CLK3: variants seen among roughly 807,000 people sequenced by gnomAD.
CLK3 encodes the protein dual specificity protein kinase CLK3.
A neutral mutation model predicts 65.2 loss-of-function variants in CLK3; 24 were observed. The observed-to-expected ratio is 0.37, with a 90% CI of 0.27 to 0.52. The LOEUF is 0.52. CLK3 is among the 20% of genes least tolerant of loss of function. CLK3 has a pLI of 0.92. For synonymous variants in CLK3, 252 were observed against 240.8 expected (o/e 1.05, Z -0.43); for missense variants, 506 against 660.0 (o/e 0.77, Z 2.56).
chr15:74,628,094 A>AC (rs1474114083), intron 10 of CLK3, 42 bp downstream of exon 10: 4 of 1,382,080 alleles, frequency 2.9e-6, no homozygotes, highest in Non-Finnish European at 4.1e-6. Flanking sequence ...GAGTACTGCT[A>AC]CTGTGATAGG....
chr15:74,622,472 C>T lies in CLK3; in HGVS notation c.467-22C>T. 1 of 1,588,816 alleles carries T rather than the reference C, an allele frequency of 6.3e-7. No homozygotes were observed. The highest frequency in any genetic ancestry group is 8.6e-7 in the Non-Finnish European group (1 of 1,167,350). On this transcript the variant is annotated intron_variant, in intron 4 of 12. Coordinates refer to ENST00000395066, the MANE Select transcript of CLK3 (RefSeq NM_001130028.2). The surrounding 1 kb of genome is among the most constrained non-coding windows in gnomAD (Gnocchi z 4.6). ...ACCCCCTGCCCTCCAGATTCTCATG[C>T]CCAATTTCTTTTCTCTCCTAGATGA... is the stretch of plus-strand genomic sequence containing the variant.
upstream of CLK3, chr15:74,615,519 G>C: frequency 1.5e-6 from 2 of 1,296,176 alleles, no homozygotes; most frequent in Non-Finnish European, 2.0e-6. Flanking sequence ...CGACGGAGCG[G>C]GCCCAGCCCC....
chr15:74,616,547 C>T (rs2062061641), intron 1 of CLK3, among the ~76,000 whole-genome samples: 2 of 152,224 alleles, frequency 1.3e-5, no homozygotes, highest in Non-Finnish European at 2.9e-5. Context: ...AGCTTTAGTT[C>T]CGGGTGTGGG....
chr15:74,623,442 G>C (rs1412623157), intron 5 of CLK3, among the ~76,000 whole-genome samples: 1 of 152,254 alleles, frequency 6.6e-6, no homozygotes, highest in Non-Finnish European at 1.5e-5. Context: ...CTGCGCTGTA[G>C]TGCTCCTACA....
rs1277754804 is a variant in CLK3, at chr15:74,629,953, G to C, written c.*70G>C. 6.2e-6 allele frequency: 9 copies of C among 1,460,754 alleles called. No homozygotes were observed. Among genetic ancestry groups the C allele is most frequent in the Non-Finnish European group, 7.4e-6 (8 of 1,077,556 alleles). The allele number at this position is 1,460,754 out of a possible 1,614,324, so 90.5% of individuals were successfully genotyped here. On this transcript the variant is annotated 3_prime_UTR_variant, in exon 13 of 13. Coordinates refer to ENST00000395066, the MANE Select transcript of CLK3 (RefSeq NM_001130028.2). ...CGCCCAGCCCCTTGACTCCAGCCTCGACCGCCAGGCCCCAGGCCAGAGCCA... is the reference window on the plus strand; with the variant it reads ...CGCCCAGCCCCTTGACTCCAGCCTCCACCGCCAGGCCCCAGGCCAGAGCCA...
intron 5 of CLK3, among the ~76,000 whole-genome samples, chr15:74,623,220 A>G (rs752479667): frequency 6.6e-6 from 1 of 152,082 alleles, no homozygotes. Flanking sequence ...TTCCTCTCCT[A>G]TAGGTCTGGG....
Position 74,619,292 on chromosome 15 carries a change from G to A in CLK3, c.96G>A (p.Gly32=). The A allele has an allele frequency of 6.2e-7, 1 of 1,614,174 alleles. No individual in the cohort carries two copies. The highest frequency in any genetic ancestry group is 8.5e-7 in the Non-Finnish European group (1 of 1,180,016). The part of the protein sequence containing the change: ...RRRSYSREHE[G]RLRYPSRREP... Reference sequence around the variant, plus strand: ...GGTCCTACAGTCGGGAACATGAAGGGAGACTGCGATACCCGTCCCGAAGGG... The same window carrying A: ...GGTCCTACAGTCGGGAACATGAAGGAAGACTGCGATACCCGTCCCGAAGGG... The change falls in exon 2 of 13, where the codon GGG becomes GGA. Residue 32 remains glycine, a synonymous_variant. Transcript: ENST00000395066.
chr15:74,619,831 C>A, intron 2 of CLK3, 178 bp from the exon 3 acceptor site: 1 of 945,908 alleles, frequency 1.1e-6, no homozygotes, highest in Non-Finnish European at 1.5e-6. Context: ...TTGGACAGGG[C>A]TCTGGAGGGC....
At chr15:74,629,445 C>G (rs151024490) in intron 12 of CLK3, 3 of 561,568 alleles carry the variant, frequency 5.3e-6, no homozygotes, top group African/African-American at 1.9e-5. Flanking sequence ...TGATCTCTAC[C>G]CACCTGTCAG....
chr15:74,617,799 T>C (rs1030796808), intron 1 of CLK3, among the ~76,000 whole-genome samples: 2 of 152,266 alleles, frequency 1.3e-5, no homozygotes, highest in Non-Finnish European at 2.9e-5. Context: ...TGTGAGTTCC[T>C]GCTTTCATTC....
In CLK3 at chr15:74,627,782, C is replaced by A; in HGVS notation, c.1042+114C>A. The A allele has an allele frequency of 1.4e-6, 2 of 1,474,562 alleles. No homozygotes were observed. Among genetic ancestry groups the A allele is most frequent in the Non-Finnish European group, 1.9e-6 (2 of 1,066,188 alleles). The allele number at this position is 1,474,562 out of a possible 1,614,324, so 91.3% of individuals were successfully genotyped here. A position where few individuals can be genotyped will look rare whatever the true frequency, so the allele number is the denominator to read the frequency against. On this transcript the variant is annotated intron_variant, in intron 9 of 12. Coordinates refer to ENST00000395066, the MANE Select transcript of CLK3 (RefSeq NM_001130028.2). This position sits in a 1 kb window ranked among gnomAD's most constrained non-coding sequence, Gnocchi z 4.3. The stretch of plus-strand genomic sequence containing the variant: ...GCCACCCAGGGCAGGCAGAGTTTCT[C>A]AGACCAAGGGGCCAGTGTCATGAGA...
intron 3 of CLK3, chr15:74,620,473 G>A: frequency 1.7e-6 from 1 of 605,220 alleles, no homozygotes; most frequent in Non-Finnish European, 2.9e-6. Context: ...CTGGCCCCTG[G>A]CCTGTCTATG....
At position 74,622,289 on chromosome 15, in the gene CLK3, G is replaced by A. The variant is rs571424692; in HGVS notation, c.466+73G>A. On this transcript the variant is annotated intron_variant, in intron 4 of 12. Transcript: ENST00000395066. This position sits in a 1 kb window ranked among gnomAD's most constrained non-coding sequence, Gnocchi z 4.6. ...TTGTTAGACGAGACCTCTCCTGCCTGGAGGGGCCTCTAGTGCGCGTGGTGC... is the reference window on the plus strand; with the variant it reads ...TTGTTAGACGAGACCTCTCCTGCCTAGAGGGGCCTCTAGTGCGCGTGGTGC... 62 of 1,453,282 alleles carry A rather than the reference G, an allele frequency of 4.3e-5. No homozygotes were observed. The highest frequency in any genetic ancestry group is 5.6e-5 in the Non-Finnish European group (59 of 1,049,034). 90.0% of individuals were successfully genotyped at this position (1,453,282 alleles called of 1,614,324 possible).
At position 74,622,484 on chromosome 15, in the gene CLK3, T is replaced by C. The variant is rs755764514; in HGVS notation, c.467-10T>C. The stretch of plus-strand genomic sequence containing the variant: ...CCAGATTCTCATGCCCAATTTCTTT[T>C]CTCTCCTAGATGAGATTGTGGGGAA... On this transcript the variant is annotated splice_polypyrimidine_tract_variant and intron_variant, in intron 4 of 12. Transcript: ENST00000395066. This position sits in a 1 kb window ranked among gnomAD's most constrained non-coding sequence, Gnocchi z 4.6. 30 of 1,602,188 alleles carry C rather than the reference T, an allele frequency of 1.9e-5. No homozygotes were observed. The highest frequency in any genetic ancestry group is 2.6e-5 in the Non-Finnish European group (30 of 1,174,398).
chr15:74,622,103 G>A lies in CLK3; in HGVS notation c.370-17G>A. The A allele has an allele frequency of 6.2e-7, 1 of 1,613,412 alleles. No individual in the cohort carries two copies. The highest frequency in any genetic ancestry group is 8.5e-7 in the Non-Finnish European group (1 of 1,179,392). On this transcript the variant is annotated splice_polypyrimidine_tract_variant and intron_variant, in intron 3 of 12. Coordinates refer to ENST00000395066, the MANE Select transcript of CLK3 (RefSeq NM_001130028.2). The surrounding 1 kb of genome is among the most constrained non-coding windows in gnomAD (Gnocchi z 4.6). ...ATGCGATTGGTCGGATGGCGTTTCGGGGGGCGGTGCATGCAGAGAAGCCAA... is the reference window on the plus strand; with the variant it reads ...ATGCGATTGGTCGGATGGCGTTTCGAGGGGCGGTGCATGCAGAGAAGCCAA...
At chr15:74,609,027 G>GC (rs972036910) in intron 1 of CLK3, among the ~76,000 whole-genome samples, 5 of 152,182 alleles carry the variant, frequency 3.3e-5, no homozygotes, top group Admixed American at 3.3e-4. Flanking sequence ...GCCTGCAATG[G>GC]CCCCCCAACA....
chr15:74,627,740 C>T lies in CLK3; in HGVS notation c.1042+72C>T. On this transcript the variant is annotated intron_variant, in intron 9 of 12. Transcript: ENST00000395066. The surrounding 1 kb of genome is among the most constrained non-coding windows in gnomAD (Gnocchi z 4.3). ...GGGAGGGTATGAGCAGAGGCAGTGGCATGCCTGTCATTCTCTGCCACCCAG... is the reference window on the plus strand; with the variant it reads ...GGGAGGGTATGAGCAGAGGCAGTGGTATGCCTGTCATTCTCTGCCACCCAG... 1 of 1,581,428 alleles carries T rather than the reference C, an allele frequency of 6.3e-7. No homozygotes were observed. Among genetic ancestry groups the T allele is most frequent in the Non-Finnish European group, 8.7e-7 (1 of 1,154,028 alleles).
At chr15:74,616,052 C>T (rs1293318510) in intron 1 of CLK3, 154 bp downstream of exon 1, 2 of 549,352 alleles carry the variant, frequency 3.6e-6, no homozygotes, top group African/African-American at 3.9e-5. Context: ...ACCCCTGACC[C>T]GCTGCTTCTG....
chr15:74,630,180 TAA>T lies in CLK3; in HGVS notation c.*299_*300del. On this transcript the variant is annotated 3_prime_UTR_variant, in exon 13 of 13. Coordinates refer to ENST00000395066, the MANE Select transcript of CLK3 (RefSeq NM_001130028.2). ...CCTTCCCCTTACCTGACCTTATTAATAAAGTCTTTCTTAGCAGTTCAGCTTGT... is the reference window on the plus strand; with the variant it reads ...CCTTCCCCTTACCTGACCTTATTAATAGTCTTTCTTAGCAGTTCAGCTTGT... 3.1e-6 allele frequency: 1 copy of T among 324,166 alleles called. No homozygotes were observed. The highest frequency in any genetic ancestry group is 5.8e-6 in the Non-Finnish European group (1 of 173,488). 20.1% of individuals were successfully genotyped at this position (324,166 alleles called of 1,614,324 possible).
Sources: allele counts gnomAD v4.1 joint callset (sites outside exome capture counted in the v4.1 genomes callset), GRCh38; gene constraint gnomAD v4.1.1; non-coding constraint Gnocchi (gnomAD v3.1); transcripts MANE v1.5; gene names NCBI Gene and HGNC (gene_info 2026-07-23, HGNC 2026-07-21).